SOX5: variants seen among roughly 807,000 people sequenced by gnomAD.
SOX5 encodes SRY-box transcription factor 5.
A neutral mutation model predicts 92.0 loss-of-function variants in SOX5; 9 were observed. That is an observed-to-expected ratio of 0.10 (90% CI 0.06 to 0.17). The LOEUF (loss-of-function observed/expected upper bound fraction) is 0.17, where lower values mean the gene tolerates loss of function less well. SOX5 is among the 10% of genes least tolerant of loss of function. The pLI, the probability that SOX5 is intolerant of heterozygous loss-of-function variation, is 1.00. For missense variants in SOX5, 642 were observed against 944.5 expected, an observed-to-expected ratio of 0.68 and a Z score of 4.20; for synonymous variants, 344 against 336.3, an observed-to-expected ratio of 1.02 and a Z score of -0.25.
At chr12:23,634,715 T>A (rs1271350896) in intron 8 of SOX5, among the ~76,000 whole-genome samples, 1 of 152,202 alleles carries the variant, frequency 6.6e-6, no homozygotes, top group Non-Finnish European at 1.5e-5. Flanking sequence ...CAACATTATC[T>A]TAATTAACCA....
chr12:23,570,922 AAAAAAAAAATATATAT>A (rs1367201030), intron 10 of SOX5, among the ~76,000 whole-genome samples: 8 of 43,136 alleles, frequency 1.9e-4, no homozygotes, highest in African/African-American at 6.8e-4. Flanking sequence ...AAAAAAAAAA[AAAAAAAAAATATATAT>A]ATATATATAT....
chr12:24,001,997 A>T (rs555103544), intron 4 of SOX5, among the ~76,000 whole-genome samples: 2 of 152,248 alleles, frequency 1.3e-5, no homozygotes, highest in South Asian at 4.1e-4. Context: ...AAAAGAAAGA[A>T]AATAGTGTGA....
chr12:23,993,900 T>TATGTATGTATGTATGC (rs1555465077), intron 4 of SOX5, among the ~76,000 whole-genome samples: 41 of 146,698 alleles, frequency 2.8e-4, no homozygotes, highest in Non-Finnish European at 4.3e-4. Context: ...TGTATGTATG[T>TATGTATGTATGTATGC]ATGTATGTAT....
At chr12:23,629,680 C>T (rs1261131858) in intron 8 of SOX5, among the ~76,000 whole-genome samples, 2 of 152,020 alleles carry the variant, frequency 1.3e-5, no homozygotes, top group Non-Finnish European at 2.9e-5. Context: ...AGGTCTTTTT[C>T]ATTTCAAATA....
chr12:24,103,403 G>A (rs1336067775), intron 4 of SOX5, among the ~76,000 whole-genome samples: 1 of 151,352 alleles, frequency 6.6e-6, no homozygotes, highest in Non-Finnish European at 1.5e-5. Context: ...TGCCCAGTCT[G>A]GAGTACAATG....
At chr12:24,426,485 A>T (rs745415954) in intron 1 of SOX5, among the ~76,000 whole-genome samples, 3 of 152,238 alleles carry the variant, frequency 2.0e-5, no homozygotes, top group Admixed American at 6.5e-5. Flanking sequence ...ATAATTATAC[A>T]CTAAGTATCA....
At chr12:24,412,491 A>G (rs1964283267) in intron 1 of SOX5, among the ~76,000 whole-genome samples, 2 of 151,938 alleles carry the variant, frequency 1.3e-5, no homozygotes, top group African/African-American at 4.8e-5. Context: ...TTTTATTGTC[A>G]TTCAGTTCAA....
intron 3 of SOX5, among the ~76,000 whole-genome samples, chr12:23,761,255 C>T (rs557532733): frequency 6.6e-6 from 1 of 152,122 alleles, no homozygotes; most frequent in Non-Finnish European, 1.5e-5. Context: ...TTGAGGAAAA[C>T]ATATATCTGA....
At chr12:24,562,119 C>T (rs1954425322) in intron 1 of SOX5, among the ~76,000 whole-genome samples, 1 of 152,200 alleles carries the variant, frequency 6.6e-6, no homozygotes, top group African/African-American at 2.4e-5. Flanking sequence ...CCGCCTCCCA[C>T]CTCTCCGCCA....
intron 8 of SOX5, among the ~76,000 whole-genome samples, chr12:23,616,816 G>C (rs1473721666): frequency 6.6e-6 from 1 of 152,092 alleles, no homozygotes; most frequent in Non-Finnish European, 1.5e-5. Flanking sequence ...TGAAGAGTTA[G>C]TTGGTATCAC....
intron 1 of SOX5, among the ~76,000 whole-genome samples, chr12:23,916,058 A>G (rs1447959802): frequency 6.6e-6 from 1 of 152,198 alleles, no homozygotes; most frequent in Non-Finnish European, 1.5e-5. Context: ...ATGATTTTTG[A>G]CCAGAAAAAT....
chr12:24,286,774 T>C (rs1945915526), intron 2 of SOX5, among the ~76,000 whole-genome samples: 1 of 152,184 alleles, frequency 6.6e-6, no homozygotes, highest in Non-Finnish European at 1.5e-5. Context: ...AGCAATGGCA[T>C]AAACTAAAGG....
chr12:24,162,119 A>G (rs1486719645), intron 4 of SOX5, among the ~76,000 whole-genome samples: 1 of 151,490 alleles, frequency 6.6e-6, no homozygotes, highest in Non-Finnish European at 1.5e-5. Flanking sequence ...TGGTCACTGA[A>G]TTTTTTTTTG....
At chr12:24,137,848 G>A (rs1008027581) in intron 4 of SOX5, among the ~76,000 whole-genome samples, 12 of 152,182 alleles carry the variant, frequency 7.9e-5, no homozygotes, top group African/African-American at 1.2e-4. Flanking sequence ...GCAATTGGCC[G>A]TAGCCAGGAT....
chr12:23,901,199 T>C lies in SOX5; in HGVS notation c.39-5175A>G, dbSNP rs1490004921. On this transcript the variant is annotated intron_variant, in intron 1 of 14. Transcript: ENST00000451604. ...CAGAGGAAGAGACTGGATGATACTA[T>C]GCTACTGGCTTTGAAGATGGAAGAT... is the stretch of plus-strand genomic sequence containing the variant. Among the ~76,000 whole-genome samples the C allele has an allele frequency of 2.0e-5, 3 of 152,134 alleles. No individual in the cohort carries two copies. In the East Asian group the frequency reaches 5.8e-4, roughly 29 times the overall value.
intron 2 of SOX5, among the ~76,000 whole-genome samples, chr12:24,279,610 T>G (rs747281149): frequency 6.6e-6 from 1 of 151,812 alleles, no homozygotes; most frequent in African/African-American, 2.4e-5. Context: ...AGAGAAAAAA[T>G]TTTCTTAAAA....
In SOX5 at chr12:24,162,567, A is replaced by T. The variant is rs138454535; in HGVS notation, c.-2+50776T>A. 4.6e-5 allele frequency among the ~76,000 whole-genome samples: 7 copies of T among 152,234 alleles called. No homozygotes were observed. In the East Asian group the frequency reaches 1.4e-3, roughly 29 times the overall value. On this transcript the variant is annotated intron_variant, in intron 4 of 4. Coordinates refer to the SOX5 transcript ENST00000446891. The stretch of plus-strand genomic sequence containing the variant: ...TATTTTCTCAAAGTAACTGTAAACC[A>T]CCATATTCTGTATTTCTAATTAGGA...
intron 3 of SOX5, among the ~76,000 whole-genome samples, chr12:24,215,255 C>G (rs574425659): frequency 6.6e-6 from 1 of 151,888 alleles, no homozygotes; most frequent in Admixed American, 6.6e-5. Flanking sequence ...TACAGGTTCA[C>G]TAAATAAGAA....
intron 6 of SOX5, among the ~76,000 whole-genome samples, chr12:23,699,559 C>A (rs1218024108): frequency 6.6e-6 from 1 of 151,896 alleles, no homozygotes; most frequent in Non-Finnish European, 1.5e-5. Context: ...GCATTCTATG[C>A]ATATTTATTT....
Sources: gnomAD v4.1 joint callset for allele counts (sites outside exome capture counted in the v4.1 genomes callset) on GRCh38, gnomAD v4.1.1 for gene constraint, MANE v1.5 for transcripts, NCBI Gene and HGNC (gene_info 2026-07-23, HGNC 2026-07-21) for gene names.